Variants in NCBP2AS2 observed in about 807,000 individuals in gnomAD.
The protein encoded by NCBP2AS2 is protein NCBP2AS2.
For missense variants in NCBP2AS2, 125 were observed against 56.0 expected, an observed-to-expected ratio of 2.23 and a Z score of -3.93; for synonymous variants, 67 against 28.0, an observed-to-expected ratio of 2.39 and a Z score of -4.40.
At position 196,942,740 on chromosome 3, in the gene NCBP2AS2, C is replaced by G. The variant is rs549548189; in HGVS notation, c.24C>G (p.Ala8=). 1.4e-6 allele frequency: 1 copy of G among 698,266 alleles called. No individual in the cohort carries two copies. The highest frequency in any genetic ancestry group is 2.7e-5 in the East Asian group (1 of 36,964). 43.3% of individuals were successfully genotyped at this position (698,266 alleles called of 1,614,324 possible). Residue 8 remains alanine (A), a synonymous_variant, in exon 1 of 1, where the codon GCC becomes GCG. Coordinates refer to ENST00000602845, the MANE Select transcript of NCBP2AS2 (RefSeq NM_001355243.2). ...AGATGGTGCTGCGGCGGCTGCTGGCCGCCCTGCTGCACAGCCCGCAGCTGG... is the reference window on the plus strand; with the variant it reads ...AGATGGTGCTGCGGCGGCTGCTGGCGGCCCTGCTGCACAGCCCGCAGCTGG... The part of the protein sequence containing the change: MVLRRLL[A]ALLHSPQLVE...
In NCBP2AS2 at chr3:196,942,847, G is replaced by T. The variant is rs1463968856; in HGVS notation, c.131G>T (p.Gly44Val). The T allele has an allele frequency of 1.4e-6, 1 of 697,554 alleles. No homozygotes were observed. Among genetic ancestry groups the T allele is most frequent in the East Asian group, 2.7e-5 (1 of 36,902 alleles). The allele number at this position is 697,554 out of a possible 1,614,324, so 43.2% of individuals were successfully genotyped here. A position where few individuals can be genotyped will look rare whatever the true frequency, so the allele number is the denominator to read the frequency against. Residue 44 changes from glycine (G) to valine (V), a missense_variant, in exon 1 of 1, where the codon GGC (glycine) becomes GTC (valine). Transcript: ENST00000602845. ...AFALLQAQLR[G>V]QDAARRLQDL... is the part of the protein sequence containing the mutation. ...GCACTGCTGCAGGCCCAGCTGCGGG[G>T]CCAGGACGCGGCCCGCCGCCTGCAG... is the stretch of plus-strand genomic sequence containing the variant.
Position 196,942,925 on chromosome 3 carries a change from G to A in NCBP2AS2, c.209G>A (p.Arg70Lys). ...CTGTGCCGCCGCGCTGAGCGATTTA[G>A]AGACGCCTTCACCCAGGAGCTACGC... ...GSLCRRAERF[R>K]DAFTQELRRG... is the part of the protein sequence containing the mutation. The change falls in exon 1 of 1, where the codon AGA becomes AAA. Residue 70 changes from arginine to lysine, a missense_variant. By Grantham distance (26) the Arg-to-Lys change is conservative. Transcript: ENST00000602845. 2.9e-6 allele frequency: 2 copies of A among 701,342 alleles called. No homozygotes were observed. Among genetic ancestry groups the A allele is most frequent in the Middle Eastern group, 4.6e-4 (2 of 4,324 alleles). 43.4% of individuals were successfully genotyped at this position (701,342 alleles called of 1,614,324 possible).
At position 196,942,774 on chromosome 3, in the gene NCBP2AS2, C is replaced by T. The variant is rs267599756; in HGVS notation, c.58C>T (p.Leu20=). ...GCACAGCCCGCAGCTGGTGGAACGT[C>T]TGTCAGAGTCGCGGCCTATCCGACG... ...LLHSPQLVER[L]SESRPIRRAA... Residue 20 remains leucine (L), a synonymous_variant, in exon 1 of 1, where the codon CTG becomes TTG. Transcript: ENST00000602845. The T allele has an allele frequency of 4.3e-6, 3 of 700,302 alleles. No individual in the cohort carries two copies. The highest frequency in any genetic ancestry group is 1.5e-5 in the South Asian group (1 of 67,392). The allele number at this position is 700,302 out of a possible 1,614,324, so 43.4% of individuals were successfully genotyped here.
rs942359551 is a variant in NCBP2AS2 at position 196,942,739 on chromosome 3, C to A, written c.23C>A (p.Ala8Asp). 1 of 698,878 alleles carries A rather than the reference C, an allele frequency of 1.4e-6. No homozygotes were observed. The highest frequency in any genetic ancestry group is 1.8e-5 in the African/African-American group (1 of 56,658). The allele number at this position is 698,878 out of a possible 1,614,324, so 43.3% of individuals were successfully genotyped here. Residue 8 changes from alanine to aspartate, a missense_variant, in exon 1 of 1, where the codon GCC (alanine) becomes GAC (aspartate). Ala to Asp is a moderately radical substitution (Grantham distance 126). Coordinates refer to ENST00000602845, the MANE Select transcript of NCBP2AS2 (RefSeq NM_001355243.2). MVLRRLL[A>D]ALLHSPQLVE... Reference sequence around the variant, plus strand: ...AAGATGGTGCTGCGGCGGCTGCTGGCCGCCCTGCTGCACAGCCCGCAGCTG... The same window carrying A: ...AAGATGGTGCTGCGGCGGCTGCTGGACGCCCTGCTGCACAGCCCGCAGCTG...
Position 196,942,932 on chromosome 3 carries a change from C to T in NCBP2AS2, c.216C>T (p.Ala72=), listed in dbSNP as rs975072480. 3 of 701,278 alleles carry T rather than the reference C, an allele frequency of 4.3e-6. No homozygotes were observed. The highest frequency in any genetic ancestry group is 3.5e-5 in the African/African-American group (2 of 56,884). 43.4% of individuals were successfully genotyped at this position (701,278 alleles called of 1,614,324 possible). The change falls in exon 1 of 1, where the codon GCC becomes GCT. Residue 72 remains alanine (A), a synonymous_variant. Coordinates refer to ENST00000602845, the MANE Select transcript of NCBP2AS2 (RefSeq NM_001355243.2). ...LCRRAERFRD[A]FTQELRRGLR... ...GCCGCGCTGAGCGATTTAGAGACGC[C>T]TTCACCCAGGAGCTACGCCGCGGCC... is the stretch of plus-strand genomic sequence containing the variant.
At position 196,942,805 on chromosome 3, in the gene NCBP2AS2, C is replaced by T; in HGVS notation, c.89C>T (p.Ala30Val). Residue 30 changes from alanine (A) to valine (V), a missense_variant, in exon 1 of 1, where the codon GCG becomes GTG. Coordinates refer to ENST00000602845, the MANE Select transcript of NCBP2AS2 (RefSeq NM_001355243.2). ...LSESRPIRRA[A>V]QLTAFALLQA... ...GAGTCGCGGCCTATCCGACGTGCGG[C>T]GCAGCTCACGGCCTTCGCACTGCTG... 1 of 699,564 alleles carries T rather than the reference C, an allele frequency of 1.4e-6. No homozygotes were observed. Among genetic ancestry groups the T allele is most frequent in the Non-Finnish European group, 2.6e-6 (1 of 383,874 alleles). The allele number at this position is 699,564 out of a possible 1,614,324, so 43.3% of individuals were successfully genotyped here.
rs997987717 is a variant in NCBP2AS2 at position 196,942,787 on chromosome 3, G to A, written c.71G>A (p.Arg24Gln). Residue 24 changes from arginine to glutamine, a missense_variant, in exon 1 of 1, where the codon CGG (arginine) becomes CAG (glutamine). Arg to Gln is a conservative substitution (Grantham distance 43, BLOSUM62 1). Transcript: ENST00000602845. ...PQLVERLSESRPIRRAAQLTA... is the reference protein window; with the variant it reads ...PQLVERLSESQPIRRAAQLTA... ...CTGGTGGAACGTCTGTCAGAGTCGCGGCCTATCCGACGTGCGGCGCAGCTC... is the reference window on the plus strand; with the variant it reads ...CTGGTGGAACGTCTGTCAGAGTCGCAGCCTATCCGACGTGCGGCGCAGCTC... 5.7e-6 allele frequency: 4 copies of A among 699,652 alleles called. No individual in the cohort carries two copies. Among genetic ancestry groups the A allele is most frequent in the Non-Finnish European group, 1.0e-5 (4 of 384,062 alleles). 43.3% of individuals were successfully genotyped at this position (699,652 alleles called of 1,614,324 possible).
In NCBP2AS2 at chr3:196,943,076, A is replaced by C. The variant is rs1285026199; in HGVS notation, c.*60A>C. The C allele has an allele frequency of 1.6e-6, 1 of 634,790 alleles. No individual in the cohort carries two copies. Among genetic ancestry groups the C allele is most frequent in the Non-Finnish European group, 2.8e-6 (1 of 360,086 alleles). The allele number at this position is 634,790 out of a possible 1,614,324, so 39.3% of individuals were successfully genotyped here. A position where few individuals can be genotyped will look rare whatever the true frequency, so the allele number is the denominator to read the frequency against. ...TCCTTCCGGGCTCTACAGTGGCATCAATGTGGAGGGGTCATTCCGGGCACT... is the reference window on the plus strand; with the variant it reads ...TCCTTCCGGGCTCTACAGTGGCATCCATGTGGAGGGGTCATTCCGGGCACT... On this transcript the variant is annotated 3_prime_UTR_variant, in exon 1 of 1. Transcript: ENST00000602845.
chr3:196,942,903 T>TGCC lies in NCBP2AS2; in HGVS notation c.193_195dup (p.Arg65dup). The TGCC allele has an allele frequency of 1.4e-6, 1 of 700,888 alleles. No individual in the cohort carries two copies. Among genetic ancestry groups the TGCC allele is most frequent in the South Asian group, 1.5e-5 (1 of 67,462 alleles). The allele number at this position is 700,888 out of a possible 1,614,324, so 43.4% of individuals were successfully genotyped here. ...CGCGGCTGGGCCCGTGGGCTCCCTG[T>TGCC]GCCGCCGCGCTGAGCGATTTAGAGA... On this transcript the variant is annotated inframe_insertion, in exon 1 of 1. Coordinates refer to ENST00000602845, the MANE Select transcript of NCBP2AS2 (RefSeq NM_001355243.2).
Position 196,943,432 on chromosome 3 carries a change from A to T in NCBP2AS2, c.*416A>T. On this transcript the variant is annotated 3_prime_UTR_variant, in exon 1 of 1. Transcript: ENST00000602845. Reference sequence around the variant, plus strand: ...TACAGCTGCCAAATTCCTTTGATTAAATGTGTGAGCTGGTTGATAGGCATG... The same window carrying T: ...TACAGCTGCCAAATTCCTTTGATTATATGTGTGAGCTGGTTGATAGGCATG... 5.5e-6 allele frequency: 1 copy of T among 182,892 alleles called. No individual in the cohort carries two copies. The highest frequency in any genetic ancestry group is 1.1e-4 in the South Asian group (1 of 8,778). The allele number at this position is 182,892 out of a possible 1,614,324, so 11.3% of individuals were successfully genotyped here. A position where few individuals can be genotyped will look rare whatever the true frequency, so the allele number is the denominator to read the frequency against.
chr3:196,942,915 G>A lies in NCBP2AS2; in HGVS notation c.199G>A (p.Glu67Lys). 1.4e-6 allele frequency: 1 copy of A among 701,084 alleles called. No individual in the cohort carries two copies. The highest frequency in any genetic ancestry group is 1.8e-5 in the African/African-American group (1 of 56,968). The allele number at this position is 701,084 out of a possible 1,614,324, so 43.4% of individuals were successfully genotyped here. A position where few individuals can be genotyped will look rare whatever the true frequency, so the allele number is the denominator to read the frequency against. Reference protein sequence around the residue: ...GPVGSLCRRAERFRDAFTQEL... With the variant: ...GPVGSLCRRAKRFRDAFTQEL... ...CGTGGGCTCCCTGTGCCGCCGCGCT[G>A]AGCGATTTAGAGACGCCTTCACCCA... Residue 67 changes from glutamate (E) to lysine (K), a missense_variant, in exon 1 of 1, where the codon GAG (glutamate) becomes AAG (lysine). Physicochemically the swap from Glu to Lys is moderately conservative, Grantham distance 56. Transcript: ENST00000602845.
chr3:196,942,720 G>A lies in NCBP2AS2; in HGVS notation c.4G>A (p.Val2Met), dbSNP rs375258730. The A allele has an allele frequency of 8.3e-4, 590 of 707,684 alleles. 2 individuals are homozygous for A. The highest frequency in any genetic ancestry group is 4.1e-3 in the South Asian group (275 of 66,898). 43.8% of individuals were successfully genotyped at this position (707,684 alleles called of 1,614,324 possible). Reference protein sequence around the residue: MVLRRLLAALLH... With the variant: MMLRRLLAALLH... ...GGGTTCCGGGCGCTTGGAGAAGATG[G>A]TGCTGCGGCGGCTGCTGGCCGCCCT... is the stretch of plus-strand genomic sequence containing the variant. The change falls in exon 1 of 1, where the codon GTG (valine) becomes ATG (methionine). Residue 2 changes from valine (V) to methionine (M), a missense_variant. Physicochemically the swap from Val to Met is conservative, Grantham distance 21. Transcript: ENST00000602845.
Position 196,942,881 on chromosome 3 carries a change from G to C in NCBP2AS2, c.165G>C (p.Ala55=), listed in dbSNP as rs1204582441. 1 of 699,934 alleles carries C rather than the reference G, an allele frequency of 1.4e-6. No homozygotes were observed. The highest frequency in any genetic ancestry group is 2.0e-5 in the Admixed American group (1 of 49,860). 43.4% of individuals were successfully genotyped at this position (699,934 alleles called of 1,614,324 possible). ...CGGCCCGCCGCCTGCAGGACCTCGCGGCTGGGCCCGTGGGCTCCCTGTGCC... is the reference window on the plus strand; with the variant it reads ...CGGCCCGCCGCCTGCAGGACCTCGCCGCTGGGCCCGTGGGCTCCCTGTGCC... ...QDAARRLQDL[A]AGPVGSLCRR... Residue 55 remains alanine, a synonymous_variant, in exon 1 of 1, where the codon GCG becomes GCC. Coordinates refer to ENST00000602845, the MANE Select transcript of NCBP2AS2 (RefSeq NM_001355243.2).
In NCBP2AS2 at chr3:196,943,395, A is replaced by G. The variant is rs1429614764; in HGVS notation, c.*379A>G. 1.9e-5 allele frequency: 4 copies of G among 205,154 alleles called. No individual in the cohort carries two copies. The highest frequency in any genetic ancestry group is 9.4e-5 in the African/African-American group (4 of 42,504). The allele number at this position is 205,154 out of a possible 1,614,324, so 12.7% of individuals were successfully genotyped here. A position where few individuals can be genotyped will look rare whatever the true frequency, so the allele number is the denominator to read the frequency against. ...GTTAATTCCAGGGACGATATGGATG[A>G]AAAGACAACCCTACAGCTGCCAAAT... On this transcript the variant is annotated 3_prime_UTR_variant, in exon 1 of 1. Transcript: ENST00000602845.
chr3:196,943,223 G>GA lies in NCBP2AS2; in HGVS notation c.*207_*208insA, dbSNP rs61378737. On this transcript the variant is annotated 3_prime_UTR_variant, in exon 1 of 1. Coordinates refer to ENST00000602845, the MANE Select transcript of NCBP2AS2 (RefSeq NM_001355243.2). ...TTGGACAAGACACAGTGTGGAGACA[G>GA]CCCTAAGCCTAACAGAGATGAAGGT... 1.1e-4 allele frequency: 61 copies of GA among 534,724 alleles called. No individual in the cohort carries two copies. Among genetic ancestry groups the GA allele is most frequent in the African/African-American group, 9.4e-4 (46 of 49,196 alleles). 33.1% of individuals were successfully genotyped at this position (534,724 alleles called of 1,614,324 possible). A position where few individuals can be genotyped will look rare whatever the true frequency, so the allele number is the denominator to read the frequency against.
rs1560173149 is a variant in NCBP2AS2, at chr3:196,943,221, CAG to C, written c.*206_*207del. On this transcript the variant is annotated 3_prime_UTR_variant, in exon 1 of 1. Transcript: ENST00000602845. ...GATTGGACAAGACACAGTGTGGAGA[CAG>C]CCCTAAGCCTAACAGAGATGAAGGT... is the stretch of plus-strand genomic sequence containing the variant. 4 of 537,596 alleles carry C rather than the reference CAG, an allele frequency of 7.4e-6. No individual in the cohort carries two copies. Among genetic ancestry groups the C allele is most frequent in the African/African-American group, 4.1e-5 (2 of 49,120 alleles). The allele number at this position is 537,596 out of a possible 1,614,324, so 33.3% of individuals were successfully genotyped here.
Position 196,943,242 on chromosome 3 carries a change from T to G in NCBP2AS2, c.*226T>G, listed in dbSNP as rs1034677301. 4.2e-5 allele frequency: 21 copies of G among 501,214 alleles called. No homozygotes were observed. Among genetic ancestry groups the G allele is most frequent in the Non-Finnish European group, 7.3e-5 (21 of 287,664 alleles). 31.0% of individuals were successfully genotyped at this position (501,214 alleles called of 1,614,324 possible). On this transcript the variant is annotated 3_prime_UTR_variant, in exon 1 of 1. Coordinates refer to ENST00000602845, the MANE Select transcript of NCBP2AS2 (RefSeq NM_001355243.2). ...GAGACAGCCCTAAGCCTAACAGAGA[T>G]GAAGGTAGGCTGGGTCCAGACACGG... is the stretch of plus-strand genomic sequence containing the variant.
Position 196,942,919 on chromosome 3 carries a change from G to C in NCBP2AS2, c.203G>C (p.Arg68Pro), listed in dbSNP as rs780288933. 4 of 701,100 alleles carry C rather than the reference G, an allele frequency of 5.7e-6. No individual in the cohort carries two copies. Among genetic ancestry groups the C allele is most frequent in the South Asian group, 4.4e-5 (3 of 67,466 alleles). 43.4% of individuals were successfully genotyped at this position (701,100 alleles called of 1,614,324 possible). A position where few individuals can be genotyped will look rare whatever the true frequency, so the allele number is the denominator to read the frequency against. ...GGCTCCCTGTGCCGCCGCGCTGAGC[G>C]ATTTAGAGACGCCTTCACCCAGGAG... is the stretch of plus-strand genomic sequence containing the variant. ...PVGSLCRRAE[R>P]FRDAFTQELR... The change falls in exon 1 of 1, where the codon CGA (arginine) becomes CCA (proline). Residue 68 changes from arginine to proline, a missense_variant. Transcript: ENST00000602845.
rs768440977 is a variant in NCBP2AS2, at chr3:196,942,697, G to T, written c.-20G>T. ...CGGAAGACGAGGGCGGCGAGGTCGG[G>T]TTCCGGGCGCTTGGAGAAGATGGTG... is the stretch of plus-strand genomic sequence containing the variant. On this transcript the variant is annotated 5_prime_UTR_variant, in exon 1 of 1. Transcript: ENST00000602845. The T allele has an allele frequency of 4.1e-6, 3 of 740,696 alleles. No homozygotes were observed. Among genetic ancestry groups the T allele is most frequent in the African/African-American group, 1.8e-5 (1 of 57,030 alleles). The allele number at this position is 740,696 out of a possible 1,614,324, so 45.9% of individuals were successfully genotyped here. A position where few individuals can be genotyped will look rare whatever the true frequency, so the allele number is the denominator to read the frequency against.
Sources: allele counts gnomAD v4.1 joint callset, GRCh38; gene constraint gnomAD v4.1.1; transcripts MANE v1.5; gene names NCBI Gene and HGNC (gene_info 2026-07-23, HGNC 2026-07-21).